KDM2B: variants seen among roughly 807,000 people sequenced by gnomAD.
KDM2B encodes the protein lysine demethylase 2B.
A neutral mutation model predicts 150.0 loss-of-function variants in KDM2B; 26 were observed. The ratio of observed to expected loss-of-function variants is 0.17; its 90% CI spans 0.13 to 0.24. The LOEUF is 0.24. KDM2B is among the 10% of genes least tolerant of loss of function. The pLI is 1.00. For missense variants in KDM2B, 1,265 were observed against 1,816.9 expected, an observed-to-expected ratio of 0.70 and a Z score of 5.52; for synonymous variants, 734 against 729.5, an observed-to-expected ratio of 1.01 and a Z score of -0.10.
chr12:121,540,235 G>C (rs1888497683), intron 6 of KDM2B, among the ~76,000 whole-genome samples: 1 of 152,152 alleles, frequency 6.6e-6, no homozygotes, highest in African/African-American at 2.4e-5. Flanking sequence ...TAGAGCAGTT[G>C]AGAGAAAAAG....
Position 121,549,318 on chromosome 12 carries a change from C to A in KDM2B, c.576+142G>T. On this transcript the variant is annotated intron_variant, in intron 5 of 22. Transcript: ENST00000377071. This position sits in a 1 kb window ranked among gnomAD's most constrained non-coding sequence, Gnocchi z 4.4. ...CTGTCTCTACAAACCACGTTACCAA[C>A]CTTAGTCACCCCTATGCCTGCCAAG... The A allele has an allele frequency of 1.4e-6, 1 of 709,000 alleles. No homozygotes were observed. Among genetic ancestry groups the A allele is most frequent in the Non-Finnish European group, 2.3e-6 (1 of 435,020 alleles). The allele number at this position is 709,000 out of a possible 1,614,324, so 43.9% of individuals were successfully genotyped here.
intron 12 of KDM2B, among the ~76,000 whole-genome samples, chr12:121,479,873 C>T (rs190728378): frequency 2.6e-5 from 4 of 152,250 alleles, no homozygotes; most frequent in Middle Eastern, 3.4e-3. Flanking sequence ...GCACCAGCCT[C>T]GGCCTCCCAA....
At chr12:121,572,325 A>T (rs1891158372) in intron 4 of KDM2B, among the ~76,000 whole-genome samples, 1 of 152,164 alleles carries the variant, frequency 6.6e-6, no homozygotes, top group Non-Finnish European at 1.5e-5. Flanking sequence ...TAGAAGTCAA[A>T]CCCAAATTCC....
In KDM2B at chr12:121,575,214, C is replaced by T. The variant is rs923953486; in HGVS notation, c.350+567G>A. Among the ~76,000 whole-genome samples, 4 of 152,220 alleles carry T rather than the reference C, an allele frequency of 2.6e-5. No individual in the cohort carries two copies. Among genetic ancestry groups the T allele is most frequent in the Admixed American group, 2.6e-4 (4 of 15,286 alleles). ...CGACACCCCAAGCCTCCTCCCCTGC[C>T]CCTGCCCAAGGGGCACAAACCTGTT... On this transcript the variant is annotated intron_variant, in intron 3 of 22. Coordinates refer to ENST00000377071, the MANE Select transcript of KDM2B (RefSeq NM_032590.5). The surrounding 1 kb of genome is among the most constrained non-coding windows in gnomAD (Gnocchi z 4.4).
At chr12:121,417,249 G>C in the KDM2B span, among the ~76,000 whole-genome samples, 1 of 152,174 alleles carries the variant, frequency 6.6e-6, no homozygotes, top group African/African-American at 2.4e-5. This position sits in a 1 kb window ranked among gnomAD's most constrained non-coding sequence, Gnocchi z 5.0. Context: ...GGGGTGGAAA[G>C]GTTTTAATTC....
In KDM2B at chr12:121,429,638, G is replaced by A; in HGVS notation, c.*650C>T. 1 of 217,302 alleles carries A rather than the reference G, an allele frequency of 4.6e-6. No individual in the cohort carries two copies. Among genetic ancestry groups the A allele is most frequent in the Non-Finnish European group, 9.1e-6 (1 of 109,310 alleles). 13.5% of individuals were successfully genotyped at this position (217,302 alleles called of 1,614,324 possible). A position where few individuals can be genotyped will look rare whatever the true frequency, so the allele number is the denominator to read the frequency against. ...CAGTTAAACATGCTTTTAAGTGGAA[G>A]GTCTTAGCCTACTTTGTTAGATCTG... On this transcript the variant is annotated 3_prime_UTR_variant, in exon 23 of 23. Transcript: ENST00000377071.
Position 121,502,760 on chromosome 12 carries a change from C to CAAA in KDM2B, c.1647+6804_1647+6806dup, listed in dbSNP as rs3080029. Among the ~76,000 whole-genome samples the CAAA allele has an allele frequency of 3.1e-3, 140 of 45,160 alleles. 8 individuals carry two copies. The highest frequency in any genetic ancestry group is 0.012 in the East Asian group (14 of 1,216). The allele number at this position is 45,160 out of a possible 152,430, so 29.6% of individuals were successfully genotyped here. On this transcript the variant is annotated intron_variant, in intron 11 of 22. Coordinates refer to ENST00000377071, the MANE Select transcript of KDM2B (RefSeq NM_032590.5). ...AGCAGAGCGAGACCCCCATCTCTAC[C>CAAA]AAAAAAAAAAAAAAAAAAAAAAAAA...
Position 121,509,859 on chromosome 12 carries a change from T to G in KDM2B, c.1355A>C (p.Glu452Ala), listed in dbSNP as rs782210955. ...GSTSPTSTPS[E>A]DQEALGKKPK... is the part of the protein sequence containing the mutation. ...CTTCTTCCCGAGGGCCTCCTGGTCC[T>G]CAGAGGGCGTGCTGGTGGGTGAAGT... The change falls in exon 11 of 23, where the codon GAG (glutamate) becomes GCG (alanine). Residue 452 changes from glutamate (E) to alanine (A), a missense_variant. Physicochemically the swap from Glu to Ala is moderately radical, Grantham distance 107. Coordinates refer to ENST00000377071, the MANE Select transcript of KDM2B (RefSeq NM_032590.5). 6.2e-7 allele frequency: 1 copy of G among 1,613,920 alleles called. No individual in the cohort carries two copies. Among genetic ancestry groups the G allele is most frequent in the East Asian group, 2.2e-5 (1 of 44,832 alleles).
intron 13 of KDM2B, among the ~76,000 whole-genome samples, chr12:121,446,982 A>C (rs2138416182): frequency 6.6e-6 from 1 of 152,226 alleles, no homozygotes; most frequent in East Asian, 1.9e-4. Context: ...AAAGGTCAAG[A>C]CAGGCTAATG....
intron 12 of KDM2B, among the ~76,000 whole-genome samples, chr12:121,459,378 C>G (rs1472704918): frequency 1.3e-5 from 2 of 152,222 alleles, no homozygotes; most frequent in East Asian, 3.9e-4. Flanking sequence ...CAAATTAACT[C>G]AAAAATGGAT....
intron 8 of KDM2B, among the ~76,000 whole-genome samples, chr12:121,527,653 CAA>C (rs58304715): frequency 7.5e-4 from 44 of 58,556 alleles, no homozygotes; most frequent in East Asian, 3.0e-3. Context: ...GACTCCGTCT[CAA>C]AAAAAAAAAA....
At chr12:121,423,037 A>G in the KDM2B span, among the ~76,000 whole-genome samples, 1 of 152,234 alleles carries the variant, frequency 6.6e-6, no homozygotes, top group African/African-American at 2.4e-5. The surrounding 1 kb of genome is among the most constrained non-coding windows in gnomAD (Gnocchi z 4.3). Flanking sequence ...AAGCCCATCT[A>G]CAGAAGACCA....
rs782387697 is a variant in KDM2B at position 121,532,974 on chromosome 12, C to A, written c.778-15G>T. Reference sequence around the variant, plus strand: ...AGCCAAAAAATCTTGGGAGAAAACACAGGCAGTCAGCTGGAGACCCAGGCC... The same window carrying A: ...AGCCAAAAAATCTTGGGAGAAAACAAAGGCAGTCAGCTGGAGACCCAGGCC... On this transcript the variant is annotated splice_polypyrimidine_tract_variant and intron_variant, in intron 7 of 22. Transcript: ENST00000377071. The A allele has an allele frequency of 6.2e-7, 1 of 1,613,866 alleles. No homozygotes were observed. Among genetic ancestry groups the A allele is most frequent in the Non-Finnish European group, 8.5e-7 (1 of 1,179,932 alleles).
the KDM2B span, chr12:121,409,814 C>G: frequency 6.6e-6 from 1 of 152,042 alleles, no homozygotes; most frequent in African/African-American, 2.4e-5. Flanking sequence ...TGAAGGGCAG[C>G]GGGGGTGGGT....
At chr12:121,538,225 T>A (rs1888321944) in intron 6 of KDM2B, among the ~76,000 whole-genome samples, 1 of 151,836 alleles carries the variant, frequency 6.6e-6, no homozygotes, top group Non-Finnish European at 1.5e-5. Context: ...GAGACGCCCC[T>A]CGCCCGGCCG....
intron 4 of KDM2B, among the ~76,000 whole-genome samples, chr12:121,554,701 G>A (rs782190321): frequency 5.9e-5 from 9 of 151,756 alleles, no homozygotes; most frequent in African/African-American, 1.2e-4. Flanking sequence ...GTGAGCCACC[G>A]CACCCGGCCT....
chr12:121,469,236 A>C (rs1334467814), intron 12 of KDM2B: 3 of 151,712 alleles, frequency 2.0e-5, no homozygotes, highest in African/African-American at 7.3e-5. Context: ...TCAAAGTTGC[A>C]ACAGAAACAA....
the KDM2B span, among the ~76,000 whole-genome samples, chr12:121,414,498 A>G: frequency 6.6e-6 from 1 of 152,186 alleles, no homozygotes. Context: ...TGGTGGCTCA[A>G]AGAGAGGGAA....
chr12:121,495,708 C>T (rs1300129294), intron 11 of KDM2B, among the ~76,000 whole-genome samples: 1 of 152,170 alleles, frequency 6.6e-6, no homozygotes, highest in Non-Finnish European at 1.5e-5. Flanking sequence ...AACCTCCAGA[C>T]CTTGATGCCT....
Sources: allele counts gnomAD v4.1 joint callset (sites outside exome capture counted in the v4.1 genomes callset), GRCh38; gene constraint gnomAD v4.1.1; non-coding constraint Gnocchi (gnomAD v3.1); transcripts MANE v1.5; gene names NCBI Gene and HGNC (gene_info 2026-07-23, HGNC 2026-07-21).